Variants in HSD17B4 observed in about 807,000 individuals in gnomAD.
HSD17B4 encodes hydroxysteroid 17-beta dehydrogenase 4, also known as peroxisomal multifunctional enzyme type 2.
In HSD17B4, 70 loss-of-function variants were observed where a neutral mutation model predicts 101.0. The observed-to-expected ratio is 0.69, with a 90% confidence interval of 0.57 to 0.85. The LOEUF (loss-of-function observed/expected upper bound fraction) is 0.85. HSD17B4 is among the 40% of genes least tolerant of loss of function. The probability of loss-of-function intolerance (pLI) is 0.00; values close to 1 mark genes in which losing one functional copy is unlikely to be tolerated. For missense variants in HSD17B4, 984 were observed against 892.4 expected, an observed-to-expected ratio of 1.10 and a Z score of -1.31; for synonymous variants, 347 against 297.1, an observed-to-expected ratio of 1.17 and a Z score of -1.73.
chr5:119,506,563 C>T (rs1196212781), intron 14 of HSD17B4, among the ~76,000 whole-genome samples: 1 of 152,176 alleles, frequency 6.6e-6, no homozygotes, highest in Non-Finnish European at 1.5e-5. Context: ...AATGGTATTT[C>T]TAGTTCTAGA....
chr5:119,488,677 A>G (rs1428754427), intron 8 of HSD17B4, among the ~76,000 whole-genome samples: 1 of 152,180 alleles, frequency 6.6e-6, no homozygotes, highest in Non-Finnish European at 1.5e-5. Context: ...TAGTTCTTAT[A>G]CTTTGTGCAC....
chr5:119,533,773 T>G (rs1284520458), intron 22 of HSD17B4, among the ~76,000 whole-genome samples: 2 of 152,088 alleles, frequency 1.3e-5, no homozygotes, highest in African/African-American at 2.4e-5. Context: ...GAACGTTGGC[T>G]TCATTCACCA....
chr5:119,465,986 G>C (rs1229366487), intron 2 of HSD17B4, among the ~76,000 whole-genome samples: 1 of 152,142 alleles, frequency 6.6e-6, no homozygotes, highest in East Asian at 1.9e-4. Flanking sequence ...TTGTTGTATT[G>C]AGGTACATTC....
chr5:119,475,347 A>G (rs190308989), intron 4 of HSD17B4, among the ~76,000 whole-genome samples: 37 of 152,230 alleles, frequency 2.4e-4, no homozygotes, highest in African/African-American at 8.4e-4. Flanking sequence ...TGTAACTTTA[A>G]CTTGCTAAGT....
At chr5:119,518,734 A>G (rs545097452) in intron 17 of HSD17B4, among the ~76,000 whole-genome samples, 1 of 152,318 alleles carries the variant, frequency 6.6e-6, no homozygotes, top group Non-Finnish European at 1.5e-5. Flanking sequence ...TTAACTAAGT[A>G]ACTTTTCAAT....
At chr5:119,518,111 T>A (rs765490313) in intron 17 of HSD17B4, among the ~76,000 whole-genome samples, 7 of 152,122 alleles carry the variant, frequency 4.6e-5, no homozygotes, top group African/African-American at 7.2e-5. Flanking sequence ...TCCGGTCCCC[T>A]TCCACACTGT....
intron 2 of HSD17B4, among the ~76,000 whole-genome samples, chr5:119,472,883 C>A (rs1211233678): frequency 6.6e-6 from 1 of 152,140 alleles, no homozygotes; most frequent in Non-Finnish European, 1.5e-5. Flanking sequence ...AGTATTTGTC[C>A]TTTTGTGACT....
At chr5:119,526,276 C>CAT (rs1561486041) in intron 19 of HSD17B4, among the ~76,000 whole-genome samples, 2 of 85,364 alleles carry the variant, frequency 2.3e-5, no homozygotes, top group Non-Finnish European at 4.7e-5. Context: ...TAATTAGGTG[C>CAT]ATATATTATA....
intron 14 of HSD17B4, among the ~76,000 whole-genome samples, chr5:119,505,306 A>G (rs968107186): frequency 3.9e-5 from 6 of 152,082 alleles, no homozygotes; most frequent in African/African-American, 1.4e-4. Context: ...TTTCATAGGA[A>G]CAGCATTGAA....
intron 16 of HSD17B4, among the ~76,000 whole-genome samples, chr5:119,514,271 A>G (rs1460257529): frequency 1.3e-5 from 2 of 152,176 alleles, no homozygotes; most frequent in Non-Finnish European, 2.9e-5. Context: ...TAAGTGTGGC[A>G]TTTTAGTAAT....
chr5:119,525,716 T>TTG lies in HSD17B4; in HGVS notation c.1574-200_1574-199insGT, dbSNP rs898799226. ...TCTCACATTCTTTTCCTGTTTTGTT[T>TTG]TTTTTTTTTCTTTCTTTCTTTATTT... On this transcript the variant is annotated intron_variant, in intron 18 of 23. Coordinates refer to ENST00000510025, the MANE Select transcript of HSD17B4 (RefSeq NM_000414.4). The TTG allele has an allele frequency of 1.6e-5, 9 of 577,304 alleles. No homozygotes were observed. The African/African-American group carries it at 1.7e-4, about 11-fold the overall frequency. The allele number at this position is 577,304 out of a possible 1,614,324, so 35.8% of individuals were successfully genotyped here.
intron 17 of HSD17B4, among the ~76,000 whole-genome samples, chr5:119,523,754 G>A (rs1231482935): frequency 6.6e-6 from 1 of 151,990 alleles, no homozygotes; most frequent in Admixed American, 6.6e-5. Flanking sequence ...CATTTATTGA[G>A]GTATTATTTA....
chr5:119,455,010 GTTAA>G (rs1364781631), intron 1 of HSD17B4, among the ~76,000 whole-genome samples: 3 of 152,126 alleles, frequency 2.0e-5, no homozygotes, highest in Non-Finnish European at 2.9e-5. Flanking sequence ...AATATAAATT[GTTAA>G]TTAAATTTAT....
intron 15 of HSD17B4, among the ~76,000 whole-genome samples, chr5:119,507,415 A>G (rs989209562): frequency 2.0e-5 from 3 of 152,194 alleles, no homozygotes; most frequent in African/African-American, 7.2e-5. Flanking sequence ...TGCAGTGGGA[A>G]AAAAGATTGT....
intron 1 of HSD17B4, among the ~76,000 whole-genome samples, chr5:119,453,424 A>G (rs1457187056): frequency 6.6e-6 from 1 of 152,212 alleles, no homozygotes; most frequent in Non-Finnish European, 1.5e-5. Context: ...TTTTTAAAGT[A>G]CAAAAAATTA....
At chr5:119,455,568 C>CTCTATATATATA (rs35030315) in intron 1 of HSD17B4, among the ~76,000 whole-genome samples, 2 of 136,474 alleles carry the variant, frequency 1.5e-5, no homozygotes, top group East Asian at 4.5e-4. Context: ...CTCTCTCTCT[C>CTCTATATATATA]TATATATATA....
chr5:119,507,478 G>A (rs1425372918), intron 15 of HSD17B4, among the ~76,000 whole-genome samples: 1 of 152,168 alleles, frequency 6.6e-6, no homozygotes, highest in Non-Finnish European at 1.5e-5. Flanking sequence ...GTGAAGATAT[G>A]ATGCTTAAAA....
intron 20 of HSD17B4, among the ~76,000 whole-genome samples, chr5:119,527,617 C>G (rs1343840233): frequency 6.6e-6 from 1 of 151,946 alleles, no homozygotes; most frequent in South Asian, 2.1e-4. Flanking sequence ...AGAAATCTAT[C>G]TGACTCATTA....
At position 119,496,612 on chromosome 5, in the gene HSD17B4, C is replaced by G. The variant is rs138766214; in HGVS notation, c.938C>G (p.Thr313Ser). The G allele has an allele frequency of 6.2e-6, 10 of 1,605,126 alleles. No homozygotes were observed. Among genetic ancestry groups the G allele is most frequent in the Non-Finnish European group, 8.5e-6 (10 of 1,171,970 alleles). Reference sequence around the variant, plus strand: ...GAAGGAGGAGTTTCAGCAAATCATACTAGTCGTGCAACGTCTACAGCAACA... The same window carrying G: ...GAAGGAGGAGTTTCAGCAAATCATAGTAGTCGTGCAACGTCTACAGCAACA... ...DSEGGVSANH[T>S]SRATSTATSG... Residue 313 changes from threonine to serine, a missense_variant, in exon 12 of 24, where the codon ACT (threonine) becomes AGT (serine). Transcript: ENST00000510025.
Sources: gnomAD v4.1 joint callset for allele counts (sites outside exome capture counted in the v4.1 genomes callset) on GRCh38, gnomAD v4.1.1 for gene constraint, MANE v1.5 for transcripts, NCBI Gene and HGNC (gene_info 2026-07-23, HGNC 2026-07-21) for gene names.